The following PPFIA2 variants were observed in gnomAD, a reference collection of about 807,000 sequenced individuals.
PPFIA2 encodes PPFI scaffold protein A2.
Under a neutral mutation model 175.5 loss-of-function variants are expected in PPFIA2, and 46 were observed. That is an observed-to-expected ratio of 0.26 (90% CI 0.21 to 0.34). PPFIA2 has a LOEUF of 0.34. Ranked by LOEUF, PPFIA2 falls within the 10% of genes least tolerant of loss-of-function variation. PPFIA2 has a pLI of 1.00. For synonymous variants in PPFIA2, 568 were observed against 511.4 expected (o/e 1.11, Z -1.49); for missense variants, 1,179 against 1,506.1 (o/e 0.78, Z 3.60).
intron 23 of PPFIA2, 146 bp from the exon 24 acceptor site, chr12:81,295,181 T>C: frequency 1.4e-6 from 1 of 710,932 alleles, no homozygotes; most frequent in Admixed American, 2.9e-5. Context: ...CTAGAGGACA[T>C]AGATGCACAA....
chr12:81,686,543 T>C (rs1329084980), intron 3 of PPFIA2, among the ~76,000 whole-genome samples: 6 of 152,066 alleles, frequency 3.9e-5, no homozygotes, highest in African/African-American at 1.4e-4. Flanking sequence ...TGCTAATTCC[T>C]GACTCAGTCT....
At chr12:81,302,629 G>C (rs2048135071) in intron 22 of PPFIA2, 1 of 444,286 alleles carries the variant, frequency 2.3e-6, no homozygotes, top group Admixed American at 2.4e-5. Flanking sequence ...CGGATCAGAT[G>C]GGAGGGATGG....
chr12:81,386,455 C>G (rs1202794107), intron 8 of PPFIA2, among the ~76,000 whole-genome samples: 3 of 151,576 alleles, frequency 2.0e-5, no homozygotes, highest in Non-Finnish European at 2.9e-5. Flanking sequence ...GAGACTCCAA[C>G]TCTAAAAAAT....
intron 9 of PPFIA2, among the ~76,000 whole-genome samples, chr12:81,379,821 A>G (rs1353631276): frequency 1.3e-5 from 2 of 152,184 alleles, no homozygotes; most frequent in Admixed American, 6.6e-5. Flanking sequence ...TCAGTGGAAC[A>G]TATTTATAAA....
chr12:81,738,872 T>G (rs1315122834), intron 3 of PPFIA2, among the ~76,000 whole-genome samples: 1 of 151,792 alleles, frequency 6.6e-6, no homozygotes, highest in African/African-American at 2.4e-5. Flanking sequence ...CACATTGAAA[T>G]TAGAAATATA....
chr12:81,640,699 G>T (rs949687850), intron 4 of PPFIA2, among the ~76,000 whole-genome samples: 1 of 151,750 alleles, frequency 6.6e-6, no homozygotes. Flanking sequence ...ATGTGCTTTT[G>T]TTATAACCAG....
At chr12:81,365,768 A>G (rs2033023024) in intron 14 of PPFIA2, among the ~76,000 whole-genome samples, 1 of 151,780 alleles carries the variant, frequency 6.6e-6, no homozygotes, top group African/African-American at 2.4e-5. Flanking sequence ...CCTCAGAAAG[A>G]ATCAGATACT....
At chr12:81,267,262 CT>C in intron 29 of PPFIA2, 1 of 573,738 alleles carries the variant, frequency 1.7e-6, no homozygotes, top group Non-Finnish European at 3.2e-6. Flanking sequence ...GGTCAAGAGG[CT>C]TTGGCCTCAC....
At chr12:81,375,188 T>G (rs2036082691) in intron 10 of PPFIA2, among the ~76,000 whole-genome samples, 1 of 152,136 alleles carries the variant, frequency 6.6e-6, no homozygotes, top group Non-Finnish European at 1.5e-5. Flanking sequence ...ACAGGTCAGA[T>G]AGTAAAAATG....
At chr12:81,560,282 G>C (rs1277667254) in intron 4 of PPFIA2, among the ~76,000 whole-genome samples, 1 of 151,738 alleles carries the variant, frequency 6.6e-6, no homozygotes, top group East Asian at 1.9e-4. Flanking sequence ...GTGAGAGAGA[G>C]AGAGAGCTAG....
chr12:81,726,449 C>T (rs1415664552), intron 3 of PPFIA2, among the ~76,000 whole-genome samples: 1 of 151,114 alleles, frequency 6.6e-6, no homozygotes, highest in Non-Finnish European at 1.5e-5. Flanking sequence ...ATCTTTTCTC[C>T]TACTCCTCTT....
At chr12:81,622,573 C>T (rs17041753) in intron 4 of PPFIA2, among the ~76,000 whole-genome samples, 9,550 of 152,140 alleles carry the variant, frequency 0.063, 415 homozygotes, top group East Asian at 0.25. Flanking sequence ...CCCACTGGAG[C>T]TATCCTTGAA....
chr12:81,461,880 T>A (rs575068271), intron 4 of PPFIA2, among the ~76,000 whole-genome samples: 1 of 152,192 alleles, frequency 6.6e-6, no homozygotes, highest in African/African-American at 2.4e-5. Context: ...TACCTAGTTG[T>A]ATTGTTTTTA....
intron 8 of PPFIA2, among the ~76,000 whole-genome samples, chr12:81,398,913 C>T (rs10862303): frequency 0.14 from 20,687 of 151,886 alleles, 1,971 homozygotes; most frequent in East Asian, 0.36. Context: ...AAATTGTACA[C>T]AACAATATTT....
chr12:81,318,107 G>C (rs557604308), intron 22 of PPFIA2, among the ~76,000 whole-genome samples: 2 of 151,712 alleles, frequency 1.3e-5, no homozygotes, highest in African/African-American at 2.4e-5. Context: ...GAACACGTTT[G>C]GTTGTTCATT....
intron 6 of PPFIA2, 53 bp from the exon 7 acceptor site, chr12:81,440,099 C>T: frequency 5.2e-6 from 7 of 1,336,612 alleles, no homozygotes; most frequent in Non-Finnish European, 7.2e-6. Flanking sequence ...ACATATTAAA[C>T]TGTGCTGAAT....
At chr12:81,604,551 T>C (rs985231076) in intron 4 of PPFIA2, among the ~76,000 whole-genome samples, 18 of 151,690 alleles carry the variant, frequency 1.2e-4, no homozygotes, top group Admixed American at 5.3e-4. Context: ...ACTTCATTCT[T>C]AGTTTGATTG....
At position 81,427,713 on chromosome 12, in the gene PPFIA2, G is replaced by C. The variant is rs546268015; in HGVS notation, c.645+12259C>G. ...TATCAACAGAAAAGTATTTTCATTT[G>C]CTCAACTAATAACTAATGTTTACTT... On this transcript the variant is annotated intron_variant, in intron 7 of 32. Coordinates refer to ENST00000549396, the MANE Select transcript of PPFIA2 (RefSeq NM_003625.5). Among the ~76,000 whole-genome samples, 194 of 151,962 alleles carry C rather than the reference G, an allele frequency of 1.3e-3. 2 individuals carry two copies. In the South Asian group the frequency reaches 0.021, roughly 16 times the overall value.
At chr12:81,734,532 C>T (rs1271777873) in intron 3 of PPFIA2, among the ~76,000 whole-genome samples, 1 of 151,602 alleles carries the variant, frequency 6.6e-6, no homozygotes, top group Non-Finnish European at 1.5e-5. Flanking sequence ...CTATGAATTA[C>T]CTAAGGTGAT....
Sources: gnomAD v4.1 joint callset for allele counts (sites outside exome capture counted in the v4.1 genomes callset) on GRCh38, gnomAD v4.1.1 for gene constraint, MANE v1.5 for transcripts, NCBI Gene and HGNC (gene_info 2026-07-23, HGNC 2026-07-21) for gene names.